Variants in DLGAP2 observed in about 807,000 individuals in gnomAD.
The protein encoded by DLGAP2 is DLG associated protein 2.
A neutral mutation model predicts 100.3 loss-of-function variants in DLGAP2; 26 were observed. That is an observed-to-expected ratio of 0.26 (90% confidence interval 0.19 to 0.36). The LOEUF (loss-of-function observed/expected upper bound fraction) is 0.36. Ranked by LOEUF, DLGAP2 falls within the 10% of genes least tolerant of loss-of-function variation. The pLI is 1.00. For synonymous variants in DLGAP2, 886 were observed against 630.1 expected, an observed-to-expected ratio of 1.41 and a Z score of -6.08; for missense variants, 1,858 against 1,453.2, an observed-to-expected ratio of 1.28 and a Z score of -4.53.
intron 3 of DLGAP2, among the ~76,000 whole-genome samples, chr8:1,447,039 G>A (rs1040442851): frequency 1.3e-5 from 2 of 152,176 alleles, no homozygotes; most frequent in African/African-American, 2.4e-5. Flanking sequence ...CGTCTGCAAA[G>A]AGGGACAATT....
intron 3 of DLGAP2, among the ~76,000 whole-genome samples, chr8:1,299,309 C>T (rs1028767777): frequency 1.3e-5 from 2 of 152,218 alleles, no homozygotes; most frequent in African/African-American, 4.8e-5. Flanking sequence ...TCTGTCTGGC[C>T]TCCCTGGATT....
intron 2 of DLGAP2, among the ~76,000 whole-genome samples, chr8:1,029,916 A>G (rs749972239): frequency 6.6e-6 from 1 of 152,148 alleles, no homozygotes; most frequent in Non-Finnish European, 1.5e-5. Flanking sequence ...CATGTGGGCA[A>G]TGTGGAAAAG....
chr8:1,602,076 C>G (rs1796645977), intron 6 of DLGAP2, among the ~76,000 whole-genome samples: 1 of 151,908 alleles, frequency 6.6e-6, no homozygotes, highest in Non-Finnish European at 1.5e-5. Context: ...GCCATGCAAG[C>G]TGCATTGAAG....
intron 3 of DLGAP2, among the ~76,000 whole-genome samples, chr8:1,266,193 G>C (rs1380691786): frequency 1.3e-5 from 2 of 152,220 alleles, no homozygotes; most frequent in Non-Finnish European, 2.9e-5. Context: ...TACTATCTGC[G>C]AAAGGGGGTT....
At chr8:1,145,093 G>C (rs1358723003) in intron 2 of DLGAP2, among the ~76,000 whole-genome samples, 2 of 152,248 alleles carry the variant, frequency 1.3e-5, no homozygotes, top group African/African-American at 4.8e-5. Flanking sequence ...AAGGGACCAG[G>C]ATGAAAAGAG....
intron 2 of DLGAP2, among the ~76,000 whole-genome samples, chr8:972,565 A>G (rs1800039088): frequency 6.6e-6 from 1 of 152,094 alleles, no homozygotes; most frequent in Non-Finnish European, 1.5e-5. Context: ...AGCTTAAGGA[A>G]CTTCCAAACT....
chr8:1,626,621 TC>T, intron 6 of DLGAP2, 118 bp from the exon 7 acceptor site: 1 of 1,331,494 alleles, frequency 7.5e-7, no homozygotes, highest in Non-Finnish European at 1.0e-6. Context: ...GGACGGTCGT[TC>T]CCACCTCTGC....
chr8:789,166 G>A (rs1821956756), intron 1 of DLGAP2, among the ~76,000 whole-genome samples: 1 of 152,156 alleles, frequency 6.6e-6, no homozygotes, highest in South Asian at 2.1e-4. Context: ...TTACCATGTT[G>A]TATTAGTTCT....
intron 2 of DLGAP2, among the ~76,000 whole-genome samples, chr8:950,225 T>G (rs1038958462): frequency 6.6e-6 from 1 of 152,172 alleles, no homozygotes; most frequent in African/African-American, 2.4e-5. Flanking sequence ...AAGATGCAGC[T>G]TCTTGATAAC....
chr8:1,303,939 C>T (rs891965976), intron 3 of DLGAP2, among the ~76,000 whole-genome samples: 17 of 152,176 alleles, frequency 1.1e-4, no homozygotes, highest in Non-Finnish European at 1.6e-4. Flanking sequence ...AATGGAGCCG[C>T]TGATGCACTC....
chr8:1,445,062 G>A (rs1481227399), intron 3 of DLGAP2, among the ~76,000 whole-genome samples: 4 of 138,102 alleles, frequency 2.9e-5, no homozygotes, highest in Non-Finnish European at 6.1e-5. Flanking sequence ...GAGCCACCGC[G>A]CCCAGCCAGA....
intron 4 of DLGAP2, among the ~76,000 whole-genome samples, chr8:1,517,638 A>G (rs1800439592): frequency 6.6e-6 from 1 of 152,156 alleles, no homozygotes; most frequent in African/African-American, 2.4e-5. Flanking sequence ...CACCTGCTAA[A>G]ATGCACCACA....
intron 3 of DLGAP2, among the ~76,000 whole-genome samples, chr8:1,488,430 T>C (rs944764777): frequency 2.0e-5 from 3 of 152,086 alleles, no homozygotes; most frequent in African/African-American, 7.2e-5. Flanking sequence ...AGAAAGAGAA[T>C]TGGGAATGGG....
chr8:1,641,166 C>T lies in DLGAP2; in HGVS notation c.1810+8120C>T, dbSNP rs1036793448. 1.1e-4 allele frequency among the ~76,000 whole-genome samples: 17 copies of T among 152,316 alleles called. No homozygotes were observed. The East Asian group carries it at 3.3e-3, about 29-fold the overall frequency. On this transcript the variant is annotated intron_variant, in intron 8 of 14. Transcript: ENST00000637795. Reference sequence around the variant, plus strand: ...GTTTCCAAAGGTTAAATACTTGACACCTCTGTCTAGAACAGACATGACAGA... The same window carrying T: ...GTTTCCAAAGGTTAAATACTTGACATCTCTGTCTAGAACAGACATGACAGA...
chr8:1,483,664 GCAGGGAGGCAGGTGCAGGAGGTGGGGAC>G (rs11270904), intron 3 of DLGAP2, among the ~76,000 whole-genome samples: 35 of 122,050 alleles, frequency 2.9e-4, no homozygotes, highest in African/African-American at 1.0e-3. Context: ...TCTACACAGA[GCAGGGAGGCAGGTGCAGGAGGTGGGGAC>G]CAGGGAGGCA....
intron 6 of DLGAP2, among the ~76,000 whole-genome samples, chr8:1,587,311 C>T (rs921756740): frequency 1.3e-5 from 2 of 152,110 alleles, no homozygotes; most frequent in Non-Finnish European, 2.9e-5. Flanking sequence ...AGTGGTCTGC[C>T]AGCTTCAGGG....
chr8:1,460,328 C>G (rs531420852), intron 3 of DLGAP2, among the ~76,000 whole-genome samples: 49 of 152,322 alleles, frequency 3.2e-4, no homozygotes, highest in Middle Eastern at 3.4e-3. Flanking sequence ...TATGAAGAAA[C>G]TAAACCACGG....
intron 4 of DLGAP2, among the ~76,000 whole-genome samples, chr8:1,516,599 ATGAATGAGTGAG>A (rs1426826464): frequency 6.6e-6 from 1 of 150,490 alleles, no homozygotes. Context: ...GAATGAGTGC[ATGAATGAGTGAG>A]TGAATCAGGG....
At chr8:1,373,418 C>T (rs1289088073) in intron 3 of DLGAP2, among the ~76,000 whole-genome samples, 6 of 152,162 alleles carry the variant, frequency 3.9e-5, no homozygotes, top group Non-Finnish European at 8.8e-5. Context: ...GGGCTTCCTG[C>T]CCGACAAGGA....
Sources: gnomAD v4.1 joint callset for allele counts (sites outside exome capture counted in the v4.1 genomes callset) on GRCh38, gnomAD v4.1.1 for gene constraint, MANE v1.5 for transcripts, NCBI Gene and HGNC (gene_info 2026-07-23, HGNC 2026-07-21) for gene names.